The following CDH12 variants were observed in gnomAD, a reference collection of about 807,000 sequenced individuals.
CDH12 encodes cadherin 12, also known as cadherin-12.
Under a neutral mutation model 74.1 loss-of-function variants are expected in CDH12, and 41 were observed. The observed-to-expected ratio is 0.55, with a 90% CI of 0.43 to 0.72. The LOEUF (loss-of-function observed/expected upper bound fraction) is 0.72. CDH12 is among the 30% of genes least tolerant of loss of function. The pLI, the probability that CDH12 is intolerant of heterozygous loss-of-function variation, is 0.00. For synonymous variants in CDH12, 399 were observed against 355.0 expected (o/e 1.12, Z -1.39); for missense variants, 945 against 977.2 (o/e 0.97, Z 0.44).
chr5:22,026,249 G>C (rs756298649), intron 5 of CDH12, among the ~76,000 whole-genome samples: 2 of 152,164 alleles, frequency 1.3e-5, no homozygotes, highest in Non-Finnish European at 2.9e-5. Flanking sequence ...GGCCAAACTG[G>C]TTAGACATGA....
At chr5:21,854,066 T>C (rs779337436) in intron 7 of CDH12, among the ~76,000 whole-genome samples, 6 of 151,692 alleles carry the variant, frequency 4.0e-5, no homozygotes, top group Non-Finnish European at 5.9e-5. Flanking sequence ...ATATTCCACA[T>C]GCATAGCCTC....
chr5:22,717,172 C>T (rs1743620400), intron 1 of CDH12, among the ~76,000 whole-genome samples: 1 of 151,214 alleles, frequency 6.6e-6, no homozygotes, highest in East Asian at 1.9e-4. Flanking sequence ...CCACCTCTCA[C>T]TCACTGACTC....
At chr5:22,752,831 C>T (rs1468237346) in intron 1 of CDH12, among the ~76,000 whole-genome samples, 4 of 151,742 alleles carry the variant, frequency 2.6e-5, no homozygotes, top group Non-Finnish European at 4.4e-5. Context: ...GCCTCGGCCT[C>T]CCAAAGTGCT....
At chr5:22,397,819 T>C (rs1423753608) in intron 3 of CDH12, among the ~76,000 whole-genome samples, 1 of 152,234 alleles carries the variant, frequency 6.6e-6, no homozygotes, top group East Asian at 1.9e-4. Flanking sequence ...TGGTTGGCCC[T>C]AATCCAATAT....
chr5:22,437,708 T>A (rs1331992382), intron 2 of CDH12, among the ~76,000 whole-genome samples: 1 of 151,696 alleles, frequency 6.6e-6, no homozygotes, highest in Non-Finnish European at 1.5e-5. Flanking sequence ...TGCTAAGGAC[T>A]CTCACAATCA....
intron 3 of CDH12, among the ~76,000 whole-genome samples, chr5:22,379,504 A>G (rs1741670707): frequency 6.6e-6 from 1 of 152,172 alleles, no homozygotes; most frequent in Non-Finnish European, 1.5e-5. Flanking sequence ...ACTTGGGATA[A>G]TATAAAATAA....
intron 1 of CDH12, among the ~76,000 whole-genome samples, chr5:22,717,273 A>C (rs1743628011): frequency 6.6e-6 from 1 of 151,988 alleles, no homozygotes; most frequent in African/African-American, 2.4e-5. Flanking sequence ...CCTCACTTTT[A>C]CTGTGTCATT....
chr5:22,483,572 A>G (rs1467847217), intron 2 of CDH12, among the ~76,000 whole-genome samples: 1 of 150,366 alleles, frequency 6.7e-6, no homozygotes, highest in East Asian at 2.0e-4. Flanking sequence ...GAGGTAGGCG[A>G]GTAGAGCTCT....
intron 1 of CDH12, among the ~76,000 whole-genome samples, chr5:22,802,160 C>T (rs1490044689): frequency 2.1e-5 from 3 of 140,946 alleles, no homozygotes; most frequent in Non-Finnish European, 4.5e-5. Context: ...CTCCCTCTGT[C>T]GCCCAGGCTG....
At chr5:22,418,600 T>C (rs770771892) in intron 2 of CDH12, among the ~76,000 whole-genome samples, 1 of 152,102 alleles carries the variant, frequency 6.6e-6, no homozygotes, top group African/African-American at 2.4e-5. Flanking sequence ...ATAACTCTTA[T>C]TGGCCCGGCA....
chr5:22,585,085 A>C (rs1474925789), intron 1 of CDH12, among the ~76,000 whole-genome samples: 1 of 152,194 alleles, frequency 6.6e-6, no homozygotes, highest in Non-Finnish European at 1.5e-5. Context: ...TGCCTAAATT[A>C]TTTTCAAAAG....
intron 6 of CDH12, among the ~76,000 whole-genome samples, chr5:21,932,885 C>A (rs1048802830): frequency 1.3e-5 from 2 of 150,030 alleles, no homozygotes; most frequent in African/African-American, 4.9e-5. Flanking sequence ...ATGTACATTG[C>A]CATCATGTCA....
Position 22,672,682 on chromosome 5 carries a change from A to G in CDH12, c.-522-167318T>C, listed in dbSNP as rs536789451. 2.0e-3 allele frequency among the ~76,000 whole-genome samples: 307 copies of G among 152,296 alleles called. 1 individual carries two copies. The highest frequency in any genetic ancestry group is 3.2e-3 in the Non-Finnish European group (219 of 68,024). ...CTAGTCTGTGGTATTTTGTTAAAGCATCAGAAAATTAAATAAGATAGGTGG... is the reference window on the plus strand; with the variant it reads ...CTAGTCTGTGGTATTTTGTTAAAGCGTCAGAAAATTAAATAAGATAGGTGG... On this transcript the variant is annotated intron_variant, in intron 1 of 14. Transcript: ENST00000382254.
In CDH12 at chr5:22,620,098, A is replaced by G. The variant is rs141903697; in HGVS notation, c.-522-114734T>C. Among the ~76,000 whole-genome samples, 606 of 152,042 alleles carry G rather than the reference A, an allele frequency of 4.0e-3. 2 individuals carry two copies. Among genetic ancestry groups the G allele is most frequent in the African/African-American group, 0.014 (564 of 41,502 alleles). ...GCTAGTTTTTGTTTATGTTTTGTTCATTTTTGCTTTTAATCATAGCTAAGT... is the reference window on the plus strand; with the variant it reads ...GCTAGTTTTTGTTTATGTTTTGTTCGTTTTTGCTTTTAATCATAGCTAAGT... On this transcript the variant is annotated intron_variant, in intron 1 of 14. Transcript: ENST00000382254.
chr5:22,623,274 T>A (rs1170297940), intron 1 of CDH12, among the ~76,000 whole-genome samples: 1 of 152,098 alleles, frequency 6.6e-6, no homozygotes, highest in Non-Finnish European at 1.5e-5. Context: ...CAAGGCTCTC[T>A]CACCACTCCT....
intron 6 of CDH12, among the ~76,000 whole-genome samples, chr5:21,869,230 A>G (rs1395010030): frequency 6.6e-6 from 1 of 152,126 alleles, no homozygotes; most frequent in Non-Finnish European, 1.5e-5. Context: ...AATACAGAAG[A>G]TCCCTTAGGT....
chr5:22,100,348 T>C (rs1005634966), intron 4 of CDH12, among the ~76,000 whole-genome samples: 8 of 152,070 alleles, frequency 5.3e-5, no homozygotes, highest in African/African-American at 1.9e-4. Flanking sequence ...TGAATTATAA[T>C]TTTTCAAATA....
chr5:22,731,492 AATTAGTAGATACAC>A (rs1744430221), intron 1 of CDH12, among the ~76,000 whole-genome samples: 1 of 151,862 alleles, frequency 6.6e-6, no homozygotes, highest in African/African-American at 2.4e-5. Flanking sequence ...AAAATGTGAA[AATTAGTAGATACAC>A]ATCTTTCATT....
intron 6 of CDH12, among the ~76,000 whole-genome samples, chr5:21,945,313 C>T (rs956539900): frequency 2.7e-5 from 4 of 150,870 alleles, no homozygotes; most frequent in African/African-American, 9.7e-5. Flanking sequence ...GTAATCCCAG[C>T]TACTTGGGAG....
Sources: allele counts gnomAD v4.1 joint callset (sites outside exome capture counted in the v4.1 genomes callset), GRCh38; gene constraint gnomAD v4.1.1; transcripts MANE v1.5; gene names NCBI Gene and HGNC (gene_info 2026-07-23, HGNC 2026-07-21).